ZNF480: variants seen among roughly 807,000 people sequenced by gnomAD.
The protein encoded by ZNF480 is zinc finger protein 480.
Under a neutral mutation model 14.4 loss-of-function variants are expected in ZNF480, and 15 were observed. The ratio of observed to expected loss-of-function variants is 1.04; its 90% CI spans 0.70 to 1.60. The LOEUF is 1.60. Ranked by LOEUF, ZNF480 falls within the 40% of genes most tolerant of loss-of-function variation. ZNF480 has a pLI of 0.00. For synonymous variants in ZNF480, 218 were observed against 215.5 expected (o/e 1.01, Z -0.10); for missense variants, 593 against 629.7 (o/e 0.94, Z 0.62).
chr19:52,302,799 T>C (rs1288769471), intron 2 of ZNF480, among the ~76,000 whole-genome samples: 3 of 152,230 alleles, frequency 2.0e-5, no homozygotes, highest in Non-Finnish European at 4.4e-5. Flanking sequence ...TTTAGCTTCT[T>C]TCCAGGTAAT....
intron 4 of ZNF480, among the ~76,000 whole-genome samples, chr19:52,318,989 G>A (rs904939846): frequency 1.7e-4 from 26 of 151,866 alleles, no homozygotes; most frequent in African/African-American, 5.1e-4. Flanking sequence ...TCAGCCTCCC[G>A]AGTAGCTGGG....
At chr19:52,308,539 T>G (rs1345652971) in intron 2 of ZNF480, 2 of 152,116 alleles carry the variant, frequency 1.3e-5, no homozygotes, top group Admixed American at 6.6e-5. Context: ...ACTCCTGAGC[T>G]CAGGTGATCC....
chr19:52,302,692 G>C (rs544841940), intron 2 of ZNF480, among the ~76,000 whole-genome samples: 1 of 152,316 alleles, frequency 6.6e-6, no homozygotes, highest in East Asian at 1.9e-4. Context: ...ACATCCATTT[G>C]CCAAACAGAA....
chr19:52,317,846 A>AT (rs1295980367), intron 4 of ZNF480, among the ~76,000 whole-genome samples: 1 of 151,850 alleles, frequency 6.6e-6, no homozygotes, highest in Non-Finnish European at 1.5e-5. Flanking sequence ...AACACTTGTG[A>AT]TTTTCTGGTG....
At chr19:52,300,228 CTTG>C (rs914022311) in intron 1 of ZNF480, among the ~76,000 whole-genome samples, 163 bp from the exon 2 acceptor site, 9 of 152,222 alleles carry the variant, frequency 5.9e-5, no homozygotes, top group Admixed American at 3.3e-4. Context: ...AAAAAACTCA[CTTG>C]TTGTTCTTCC....
At chr19:52,298,015 TAGC>T (rs745651067) in intron 1 of ZNF480, 1 of 151,418 alleles carries the variant, frequency 6.6e-6, no homozygotes, top group Non-Finnish European at 1.5e-5. Flanking sequence ...GCCGAGAAAG[TAGC>T]AGGGGGAAAA....
At chr19:52,318,495 A>G (rs1282845859) in intron 4 of ZNF480, among the ~76,000 whole-genome samples, 1 of 152,142 alleles carries the variant, frequency 6.6e-6, no homozygotes, top group African/African-American at 2.4e-5. Flanking sequence ...ACATTGTGGT[A>G]ATTGTTTTCT....
chr19:52,301,874 C>T (rs1982709153), intron 2 of ZNF480: 2 of 153,756 alleles, frequency 1.3e-5, no homozygotes, highest in Non-Finnish European at 2.9e-5. Context: ...AGGCTCTTAC[C>T]ACTAAAATAG....
At chr19:52,301,328 G>C (rs1982682796) in intron 2 of ZNF480, 1 of 152,098 alleles carries the variant, frequency 6.6e-6, no homozygotes, top group Non-Finnish European at 1.5e-5. Flanking sequence ...TTAGTTCCTG[G>C]CATTAGCATC....
chr19:52,297,323 C>T, intron 1 of ZNF480, 100 bp downstream of exon 1: 1 of 406,940 alleles, frequency 2.5e-6, no homozygotes, highest in Non-Finnish European at 4.9e-6. Flanking sequence ...ATCCTCGCAC[C>T]GCTCCCTCTA....
At chr19:52,300,921 T>C (rs1056605292) in intron 2 of ZNF480, 49 of 193,792 alleles carry the variant, frequency 2.5e-4, no homozygotes, top group African/African-American at 1.1e-3. Context: ...AGGCCACTCA[T>C]GCTATTGTTT....
At chr19:52,298,291 CA>C (rs1351161168) in intron 1 of ZNF480, among the ~76,000 whole-genome samples, 1 of 151,430 alleles carries the variant, frequency 6.6e-6, no homozygotes, top group Non-Finnish European at 1.5e-5. Flanking sequence ...GGGGGTGTAA[CA>C]GAAAAGAAGG....
At chr19:52,312,574 G>C (rs1445757444) in intron 2 of ZNF480, among the ~76,000 whole-genome samples, 3 of 152,100 alleles carry the variant, frequency 2.0e-5, no homozygotes, top group Non-Finnish European at 4.4e-5. Flanking sequence ...GATTCTTTTG[G>C]TTTGGTTCTA....
chr19:52,304,123 G>T (rs1484447205), intron 2 of ZNF480, among the ~76,000 whole-genome samples: 2 of 152,198 alleles, frequency 1.3e-5, no homozygotes, highest in Middle Eastern at 6.3e-3. Context: ...CAAATTGTTG[G>T]ACAGTTTAAC....
chr19:52,321,726 A>G lies in ZNF480; in HGVS notation c.476A>G (p.Asn159Ser). The change falls in exon 5 of 5, where the codon AAC (asparagine) becomes AGC (serine). Residue 159 changes from asparagine to serine, a missense_variant. Coordinates refer to ENST00000595962, the MANE Select transcript of ZNF480 (RefSeq NM_144684.4). ...NGCNQVENFI[N>S]HSSSVSCLQE... ...TGTAATCAAGTTGAAAACTTTATCAACCACAGTTCCTCTGTTTCCTGTCTT... is the reference window on the plus strand; with the variant it reads ...TGTAATCAAGTTGAAAACTTTATCAGCCACAGTTCCTCTGTTTCCTGTCTT... 7 of 1,613,998 alleles carry G rather than the reference A, an allele frequency of 4.3e-6. No individual in the cohort carries two copies. The highest frequency in any genetic ancestry group is 5.1e-6 in the Non-Finnish European group (6 of 1,179,946).
chr19:52,303,760 A>T (rs1325332835), intron 2 of ZNF480, among the ~76,000 whole-genome samples: 1 of 152,222 alleles, frequency 6.6e-6, no homozygotes, highest in South Asian at 2.1e-4. Flanking sequence ...TAGAAAATAG[A>T]TTACTCATGT....
At chr19:52,297,414 T>TC (rs1289367012) in intron 1 of ZNF480, among the ~76,000 whole-genome samples, 191 bp downstream of exon 1, 1 of 151,438 alleles carries the variant, frequency 6.6e-6, no homozygotes, top group African/African-American at 2.4e-5. Flanking sequence ...GCGGGTCCTG[T>TC]CCCCCGTCCT....
At position 52,324,749 on chromosome 19, in the gene ZNF480, A is replaced by G. The variant is rs941527389; in HGVS notation, c.*1891A>G. On this transcript the variant is annotated 3_prime_UTR_variant, in exon 5 of 5. Transcript: ENST00000595962. ...GCCATATGCAGGATATTGAAACTGGACCCCTATCCTTCACGATATACAAAA... is the reference window on the plus strand; with the variant it reads ...GCCATATGCAGGATATTGAAACTGGGCCCCTATCCTTCACGATATACAAAA... 1 of 152,146 alleles carries G rather than the reference A, an allele frequency of 6.6e-6. No homozygotes were observed. The allele number at this position is 152,146 out of a possible 1,614,324, so 9.4% of individuals were successfully genotyped here.
chr19:52,298,368 C>CA (rs1433894953), intron 1 of ZNF480, among the ~76,000 whole-genome samples: 2 of 152,156 alleles, frequency 1.3e-5, no homozygotes, highest in African/African-American at 4.8e-5. Context: ...CACAGTGGCT[C>CA]ACGCCTGTAA....
Sources: allele counts gnomAD v4.1 joint callset (sites outside exome capture counted in the v4.1 genomes callset), GRCh38; gene constraint gnomAD v4.1.1; transcripts MANE v1.5; gene names NCBI Gene and HGNC (gene_info 2026-07-23, HGNC 2026-07-21).